The following STRN variants were observed in gnomAD, a reference collection of about 807,000 sequenced individuals.
STRN encodes protein phosphatase 2 regulatory subunit B'''alpha.
STRN carries 53 observed loss-of-function variants against 96.3 expected under a neutral mutation model. That is an observed-to-expected ratio of 0.55 (90% CI 0.44 to 0.69). The LOEUF (loss-of-function observed/expected upper bound fraction) is 0.69, where lower values mean the gene tolerates loss of function less well. Among genes scored for constraint, STRN ranks in the 30% least tolerant of loss-of-function variants. STRN has a pLI of 0.00. For synonymous variants in STRN, 428 were observed against 355.9 expected (o/e 1.20, Z -2.28); for missense variants, 987 against 963.9 (o/e 1.02, Z -0.32).
intron 1 of STRN, among the ~76,000 whole-genome samples, chr2:36,944,765 T>C (rs907988663): frequency 1.3e-5 from 2 of 152,188 alleles, no homozygotes; most frequent in African/African-American, 4.8e-5. Context: ...AGCAAGCAGT[T>C]CAGAGAGGAG....
At chr2:36,941,642 C>T (rs1431995702) in intron 1 of STRN, among the ~76,000 whole-genome samples, 1 of 151,606 alleles carries the variant, frequency 6.6e-6, no homozygotes, top group Non-Finnish European at 1.5e-5. Flanking sequence ...TTCTGCCTCC[C>T]GGGTTCAAGC....
intron 1 of STRN, among the ~76,000 whole-genome samples, chr2:36,954,024 T>G (rs977199561): frequency 1.3e-5 from 2 of 151,590 alleles, no homozygotes; most frequent in Non-Finnish European, 2.9e-5. Flanking sequence ...AAATAAAAAT[T>G]AAAAATAAAC....
chr2:36,857,654 C>T (rs1354292663), intron 14 of STRN, among the ~76,000 whole-genome samples: 3 of 151,542 alleles, frequency 2.0e-5, no homozygotes, highest in Non-Finnish European at 4.4e-5. Context: ...AGTGATACTC[C>T]GTCTCAAAAA....
Position 36,845,477 on chromosome 2 carries a change from T to C in STRN, c.*3979A>G, listed in dbSNP as rs1334421907. ...TGCTTTTTAAATATTTTAAGACTAT[T>C]CTTAGGTGGAATTTTAACTAGTTCA... On this transcript the variant is annotated 3_prime_UTR_variant, in exon 18 of 18. Coordinates refer to ENST00000263918, the MANE Select transcript of STRN (RefSeq NM_003162.4). 1 of 152,150 alleles carries C rather than the reference T, an allele frequency of 6.6e-6. No homozygotes were observed. Among genetic ancestry groups the C allele is most frequent in the East Asian group, 1.9e-4 (1 of 5,200 alleles). The allele number at this position is 152,150 out of a possible 1,614,324, so 9.4% of individuals were successfully genotyped here.
chr2:36,953,466 A>G (rs1422995878), intron 1 of STRN, among the ~76,000 whole-genome samples: 2 of 149,792 alleles, frequency 1.3e-5, no homozygotes, highest in Non-Finnish European at 3.0e-5. Flanking sequence ...GCAGTGGCAC[A>G]ATCTCAGCTC....
intron 7 of STRN, among the ~76,000 whole-genome samples, chr2:36,887,613 A>C (rs1234304809): frequency 6.6e-6 from 1 of 152,202 alleles, no homozygotes; most frequent in Non-Finnish European, 1.5e-5. Context: ...ATGATCTTTT[A>C]AAGAAGTTTA....
At chr2:36,962,532 T>C (rs1665052245) in intron 1 of STRN, among the ~76,000 whole-genome samples, 1 of 104,776 alleles carries the variant, frequency 9.5e-6, no homozygotes, top group Admixed American at 9.2e-5. Flanking sequence ...TTCACTATTC[T>C]TTTTTTTTTT....
At chr2:36,939,571 C>T (rs762171689) in intron 1 of STRN, among the ~76,000 whole-genome samples, 10 of 151,846 alleles carry the variant, frequency 6.6e-5, no homozygotes, top group Non-Finnish European at 1.5e-4. Flanking sequence ...TTTGCAGTGA[C>T]AGGGTCTCAG....
Position 36,844,973 on chromosome 2 carries a change from T to C in STRN, c.*4483A>G, listed in dbSNP as rs1668032877. 1 of 152,136 alleles carries C rather than the reference T, an allele frequency of 6.6e-6. No homozygotes were observed. Among genetic ancestry groups the C allele is most frequent in the Non-Finnish European group, 1.5e-5 (1 of 68,018 alleles). 9.4% of individuals were successfully genotyped at this position (152,136 alleles called of 1,614,324 possible). A position where few individuals can be genotyped will look rare whatever the true frequency, so the allele number is the denominator to read the frequency against. The stretch of plus-strand genomic sequence containing the variant: ...TTTGTATACAACCTGAATCCCAGTG[T>C]CCAACACTTAAAAGTACTGCAATTA... On this transcript the variant is annotated 3_prime_UTR_variant, in exon 18 of 18. Transcript: ENST00000263918.
At chr2:36,928,133 TA>T (rs201249972) in intron 1 of STRN, among the ~76,000 whole-genome samples, 3 of 150,496 alleles carry the variant, frequency 2.0e-5, no homozygotes, top group Non-Finnish European at 4.4e-5. Context: ...CATTCCTACA[TA>T]AAAAAAAACG....
intron 1 of STRN, among the ~76,000 whole-genome samples, chr2:36,948,732 G>C (rs1381791890): frequency 2.6e-5 from 4 of 152,116 alleles, no homozygotes; most frequent in Non-Finnish European, 5.9e-5. Context: ...ACAGTACAAG[G>C]TAGCACACCC....
intron 10 of STRN, among the ~76,000 whole-genome samples, chr2:36,872,745 G>C (rs1339720378): frequency 6.6e-6 from 1 of 152,160 alleles, no homozygotes; most frequent in Non-Finnish European, 1.5e-5. Flanking sequence ...TGTGGGGATA[G>C]AATAGAGGGA....
In STRN at chr2:36,908,748, C is replaced by T. The variant is rs188499867; in HGVS notation, c.413-3130G>A. 4.3e-4 allele frequency among the ~76,000 whole-genome samples: 66 copies of T among 152,102 alleles called. 2 individuals are homozygous for T. In the East Asian group the frequency reaches 0.012, roughly 27 times the overall value. On this transcript the variant is annotated intron_variant, in intron 3 of 17. Transcript: ENST00000263918. ...CAGCACTTTGGGAGGCCGTGGTGGG[C>T]GGATCACTCAAACCCAGGAGTTTGA...
chr2:36,869,264 A>T (rs1400877623), intron 11 of STRN, among the ~76,000 whole-genome samples: 1 of 152,224 alleles, frequency 6.6e-6, no homozygotes, highest in Non-Finnish European at 1.5e-5. Flanking sequence ...AGTATAGACA[A>T]GGGGCTCCCC....
chr2:36,945,859 G>C (rs1670969497), intron 1 of STRN, among the ~76,000 whole-genome samples: 1 of 152,092 alleles, frequency 6.6e-6, no homozygotes, highest in Non-Finnish European at 1.5e-5. Flanking sequence ...ACATCTCTTA[G>C]AAAACTAGAA....
chr2:36,896,407 A>G (rs1216253088), intron 6 of STRN, among the ~76,000 whole-genome samples: 1 of 152,200 alleles, frequency 6.6e-6, no homozygotes, highest in African/African-American at 2.4e-5. Context: ...AGAGAAGAAA[A>G]ATGAATTGTG....
chr2:36,892,786 C>T (rs1405969388), intron 7 of STRN, among the ~76,000 whole-genome samples: 2 of 152,046 alleles, frequency 1.3e-5, no homozygotes, highest in Admixed American at 6.6e-5. Flanking sequence ...CTTGGAAGGC[C>T]GAGGCAGGCA....
chr2:36,950,465 C>T (rs1470231979), intron 1 of STRN, among the ~76,000 whole-genome samples: 2 of 152,160 alleles, frequency 1.3e-5, no homozygotes, highest in Non-Finnish European at 2.9e-5. Context: ...ATCCACCCGC[C>T]TTGGCCTCCC....
chr2:36,903,863 A>G (rs1669751092), intron 4 of STRN, among the ~76,000 whole-genome samples: 1 of 152,228 alleles, frequency 6.6e-6, no homozygotes, highest in African/African-American at 2.4e-5. Flanking sequence ...ACGGCTTTAA[A>G]GATGTTATAT....
Sources: gnomAD v4.1 joint callset for allele counts (sites outside exome capture counted in the v4.1 genomes callset) on GRCh38, gnomAD v4.1.1 for gene constraint, MANE v1.5 for transcripts, NCBI Gene and HGNC (gene_info 2026-07-23, HGNC 2026-07-21) for gene names.